NTM: variants seen among roughly 807,000 people sequenced by gnomAD.
NTM encodes the protein IgLON family member 2.
NTM carries 13 observed loss-of-function variants against 42.1 expected under a neutral mutation model. That is an observed-to-expected ratio of 0.31 (90% CI 0.20 to 0.49). NTM has a LOEUF of 0.49. Among genes scored for constraint, NTM ranks in the 20% least tolerant of loss-of-function variants. The probability of loss-of-function intolerance (pLI) is 0.99; values close to 1 mark genes in which losing one functional copy is unlikely to be tolerated. For synonymous variants in NTM, 187 were observed against 179.2 expected (o/e 1.04, Z -0.35); for missense variants, 373 against 452.8 (o/e 0.82, Z 1.60).
At chr11:131,497,357 T>C (rs1036859925) in intron 1 of NTM, among the ~76,000 whole-genome samples, 11 of 117,496 alleles carry the variant, frequency 9.4e-5, no homozygotes, top group African/African-American at 3.4e-4. Flanking sequence ...CCTGGCTAAC[T>C]TTTGTATTTT....
At chr11:131,500,987 G>A (rs952777489) in intron 1 of NTM, among the ~76,000 whole-genome samples, 4 of 151,736 alleles carry the variant, frequency 2.6e-5, no homozygotes, top group Non-Finnish European at 5.9e-5. Context: ...CCTGGATTAA[G>A]AAAATGTGAC....
intron 1 of NTM, among the ~76,000 whole-genome samples, chr11:131,396,773 G>T (rs60116192): frequency 0.023 from 3,539 of 152,082 alleles, 142 homozygotes; most frequent in African/African-American, 0.081. Flanking sequence ...GACGGAAGTT[G>T]CAGTGAGCTG....
intron 1 of NTM, chr11:131,794,817 C>T: frequency 2.0e-6 from 2 of 985,380 alleles, no homozygotes; most frequent in Non-Finnish European, 2.4e-6. Flanking sequence ...CTAGATTATG[C>T]TACATTAAAG....
intron 1 of NTM, among the ~76,000 whole-genome samples, chr11:131,816,525 A>G (rs1335408494): frequency 1.4e-5 from 2 of 145,634 alleles, no homozygotes; most frequent in Non-Finnish European, 3.0e-5. Flanking sequence ...TGGGGAAACA[A>G]GTTCATTGAA....
At chr11:132,212,432 ATGT>A (rs1253173643) in intron 4 of NTM, among the ~76,000 whole-genome samples, 1 of 152,152 alleles carries the variant, frequency 6.6e-6, no homozygotes, top group African/African-American at 2.4e-5. Flanking sequence ...TGAACTTTAC[ATGT>A]TGTTTGATGA....
chr11:131,903,589 G>T (rs1248028308), intron 1 of NTM, among the ~76,000 whole-genome samples: 1 of 152,190 alleles, frequency 6.6e-6, no homozygotes, highest in Non-Finnish European at 1.5e-5. Context: ...CTAGACGAAT[G>T]GGAAGAATGG....
At chr11:131,524,863 G>T (rs1400904286) in intron 1 of NTM, among the ~76,000 whole-genome samples, 1 of 152,182 alleles carries the variant, frequency 6.6e-6, no homozygotes, top group Non-Finnish European at 1.5e-5. Context: ...AACTCTTTGG[G>T]CCCTTGGTTT....
intron 2 of NTM, among the ~76,000 whole-genome samples, chr11:131,936,737 G>GA (rs1344702375): frequency 4.6e-5 from 7 of 152,242 alleles, no homozygotes; most frequent in Admixed American, 3.9e-4. Flanking sequence ...CTGTTCTGGG[G>GA]AAAAAATTCT....
At chr11:131,926,261 A>G (rs2138357060) in intron 2 of NTM, among the ~76,000 whole-genome samples, 1 of 152,324 alleles carries the variant, frequency 6.6e-6, no homozygotes, top group African/African-American at 2.4e-5. Flanking sequence ...GCCCTTGAGC[A>G]GCGCACAAGC....
intron 1 of NTM, among the ~76,000 whole-genome samples, chr11:131,520,130 C>T (rs1372072147): frequency 2.0e-5 from 3 of 152,132 alleles, no homozygotes. Context: ...TATAGAATCT[C>T]CAGATAATAA....
rs569888556 is a variant in NTM, at chr11:131,426,436, C to T, written c.82+55548C>T. 1.7e-4 allele frequency among the ~76,000 whole-genome samples: 26 copies of T among 152,230 alleles called. 1 individual carries two copies. In the South Asian group the frequency reaches 5.0e-3, roughly 29 times the overall value. ...AACCCTGCTTTTAGCTCAAAGGAGC[C>T]CCGTATGCTGTGGAGAATTCCTCTG... is the stretch of plus-strand genomic sequence containing the variant. On this transcript the variant is annotated intron_variant, in intron 1 of 8. Coordinates refer to ENST00000683400, the MANE Select transcript of NTM (RefSeq NM_001352005.2).
At chr11:131,575,476 T>C (rs915690411) in intron 1 of NTM, among the ~76,000 whole-genome samples, 3 of 152,092 alleles carry the variant, frequency 2.0e-5, no homozygotes, top group Non-Finnish European at 4.4e-5. Context: ...CTCTTTCCAA[T>C]AGGACATCTA....
intron 1 of NTM, among the ~76,000 whole-genome samples, chr11:131,472,752 A>C (rs1281878251): frequency 1.3e-5 from 2 of 152,140 alleles, no homozygotes; most frequent in Non-Finnish European, 2.9e-5. Flanking sequence ...CTGAGGTAGT[A>C]TTTAGCATAC....
chr11:131,840,286 T>G (rs769326149), intron 1 of NTM, among the ~76,000 whole-genome samples: 3 of 151,586 alleles, frequency 2.0e-5, no homozygotes, highest in South Asian at 4.2e-4. Context: ...TATTAAGGAT[T>G]AGGTGAGCAA....
At chr11:131,486,113 G>C (rs545271139) in intron 1 of NTM, among the ~76,000 whole-genome samples, 1 of 152,222 alleles carries the variant, frequency 6.6e-6, no homozygotes, top group African/African-American at 2.4e-5. Context: ...ACAGAATACA[G>C]AATGAAGGAC....
intron 2 of NTM, among the ~76,000 whole-genome samples, chr11:132,076,348 G>A (rs2058360787): frequency 6.6e-6 from 1 of 152,164 alleles, no homozygotes; most frequent in Non-Finnish European, 1.5e-5. Flanking sequence ...GCAGGTGGTT[G>A]GGACTTGGAC....
chr11:131,407,010 C>T (rs1403134348), intron 1 of NTM, among the ~76,000 whole-genome samples: 1 of 152,184 alleles, frequency 6.6e-6, no homozygotes, highest in East Asian at 1.9e-4. Context: ...TAAGATGTTC[C>T]CTTTTTGCAG....
intron 1 of NTM, among the ~76,000 whole-genome samples, chr11:131,888,161 C>T (rs1027117902): frequency 1.3e-5 from 2 of 152,100 alleles, no homozygotes; most frequent in African/African-American, 4.8e-5. Flanking sequence ...CTTAGCCAAG[C>T]ATGGTGGCGT....
At chr11:131,738,573 A>T (rs1400613061) in intron 1 of NTM, among the ~76,000 whole-genome samples, 1 of 152,238 alleles carries the variant, frequency 6.6e-6, no homozygotes, top group Non-Finnish European at 1.5e-5. Flanking sequence ...AGGAATTTTC[A>T]GGGAAACTGT....
Sources: gnomAD v4.1 joint callset for allele counts (sites outside exome capture counted in the v4.1 genomes callset) on GRCh38, gnomAD v4.1.1 for gene constraint, MANE v1.5 for transcripts, NCBI Gene and HGNC (gene_info 2026-07-23, HGNC 2026-07-21) for gene names.